Variants in ADGRL3 observed in about 807,000 individuals in gnomAD.
The protein encoded by ADGRL3 is adhesion G protein-coupled receptor L3, also known as calcium-independent alpha-latrotoxin receptor 3.
Under a neutral mutation model 153.5 loss-of-function variants are expected in ADGRL3, and 62 were observed. The ratio of observed to expected loss-of-function variants is 0.40; its 90% CI spans 0.33 to 0.50. The LOEUF is 0.50. Among genes scored for constraint, ADGRL3 ranks in the 20% least tolerant of loss-of-function variants. ADGRL3 has a pLI of 0.47. For missense variants in ADGRL3, 1,641 were observed against 1,859.4 expected, an observed-to-expected ratio of 0.88 and a Z score of 2.16; for synonymous variants, 710 against 672.5, an observed-to-expected ratio of 1.06 and a Z score of -0.86.
At chr4:62,051,702 T>C (rs548156486) in intron 25 of ADGRL3, among the ~76,000 whole-genome samples, 1 of 151,820 alleles carries the variant, frequency 6.6e-6, no homozygotes, top group African/African-American at 2.4e-5. Context: ...TTAAAAATTG[T>C]ATTTAATTTC....
chr4:61,220,440 C>G (rs1269462962), intron 1 of ADGRL3, among the ~76,000 whole-genome samples: 1 of 152,088 alleles, frequency 6.6e-6, no homozygotes, highest in East Asian at 1.9e-4. Flanking sequence ...TCCTAAGTAT[C>G]ATTTTATGCT....
intron 5 of ADGRL3, among the ~76,000 whole-genome samples, chr4:61,676,463 CT>C (rs532722309): frequency 1.5e-4 from 23 of 148,414 alleles, no homozygotes; most frequent in East Asian, 4.0e-4. Context: ...TTCTAAAATA[CT>C]TTTTTTTTTG....
intron 25 of ADGRL3, among the ~76,000 whole-genome samples, chr4:62,045,590 G>C (rs1730688392): frequency 6.6e-6 from 1 of 151,866 alleles, no homozygotes; most frequent in African/African-American, 2.4e-5. Flanking sequence ...TCAATTATTT[G>C]TACTCAAGTA....
At chr4:61,992,736 A>G (rs1016472877) in intron 19 of ADGRL3, among the ~76,000 whole-genome samples, 2 of 152,222 alleles carry the variant, frequency 1.3e-5, no homozygotes, top group African/African-American at 4.8e-5. Flanking sequence ...TCAAAGAATA[A>G]AAATAATCAT....
intron 6 of ADGRL3, among the ~76,000 whole-genome samples, chr4:61,679,030 G>A (rs768978217): frequency 1.4e-4 from 22 of 151,990 alleles, no homozygotes; most frequent in Non-Finnish European, 2.5e-4. Context: ...TTGCTATAAA[G>A]GAATACCTCA....
intron 2 of ADGRL3, among the ~76,000 whole-genome samples, chr4:61,460,287 G>A (rs1238610741): frequency 1.3e-5 from 2 of 151,952 alleles, no homozygotes; most frequent in Non-Finnish European, 2.9e-5. Flanking sequence ...TCTGCATAAG[G>A]ATATCCAGTT....
chr4:61,639,412 C>G (rs905042067), intron 5 of ADGRL3, among the ~76,000 whole-genome samples: 6 of 151,900 alleles, frequency 3.9e-5, no homozygotes, highest in East Asian at 3.9e-4. Flanking sequence ...TTGAAAAAAA[C>G]TATCTCCCAA....
intron 5 of ADGRL3, among the ~76,000 whole-genome samples, chr4:61,658,389 T>G (rs1480842053): frequency 1.3e-5 from 2 of 152,142 alleles, no homozygotes; most frequent in Non-Finnish European, 2.9e-5. Flanking sequence ...ATCAGCTATA[T>G]CAGTCCAGGC....
At chr4:61,215,840 C>T (rs1013178983) in intron 1 of ADGRL3, among the ~76,000 whole-genome samples, 4 of 152,046 alleles carry the variant, frequency 2.6e-5, no homozygotes, top group African/African-American at 9.7e-5. Context: ...GCATGAGCCA[C>T]CGCGCTCGGC....
At chr4:61,674,883 T>C (rs1385291733) in intron 5 of ADGRL3, among the ~76,000 whole-genome samples, 1 of 151,998 alleles carries the variant, frequency 6.6e-6, no homozygotes, top group African/African-American at 2.4e-5. Flanking sequence ...AACATCGAGA[T>C]AACATATTTG....
intron 5 of ADGRL3, among the ~76,000 whole-genome samples, chr4:61,592,365 G>C (rs940006567): frequency 5.9e-5 from 9 of 152,090 alleles, no homozygotes; most frequent in Non-Finnish European, 8.8e-5. Flanking sequence ...GATCCATTAT[G>C]TTGTCTCGTA....
At chr4:61,720,176 G>A (rs1483646039) in intron 6 of ADGRL3, among the ~76,000 whole-genome samples, 4 of 148,066 alleles carry the variant, frequency 2.7e-5, no homozygotes, top group African/African-American at 1.0e-4. Flanking sequence ...TGCAAGCTCC[G>A]CCTCCCAGGT....
At chr4:61,552,763 C>A (rs1189868932) in intron 4 of ADGRL3, among the ~76,000 whole-genome samples, 1 of 152,122 alleles carries the variant, frequency 6.6e-6, no homozygotes, top group Non-Finnish European at 1.5e-5. Context: ...ACCACCGTGT[C>A]CCATCAGCCT....
intron 8 of ADGRL3, among the ~76,000 whole-genome samples, chr4:61,799,901 C>T (rs1186864528): frequency 6.6e-6 from 1 of 152,086 alleles, no homozygotes; most frequent in East Asian, 1.9e-4. Flanking sequence ...CACCACAATC[C>T]TATGAAAAGG....
chr4:61,250,246 A>G (rs1170408414), intron 1 of ADGRL3, among the ~76,000 whole-genome samples: 1 of 152,194 alleles, frequency 6.6e-6, no homozygotes, highest in Non-Finnish European at 1.5e-5. Flanking sequence ...AATCTACCTG[A>G]GGAAGCAACA....
intron 2 of ADGRL3, among the ~76,000 whole-genome samples, chr4:61,418,000 G>A (rs936775002): frequency 6.6e-6 from 1 of 152,120 alleles, no homozygotes; most frequent in Admixed American, 6.5e-5. Flanking sequence ...TGGACAAGGG[G>A]AGGAGAGGCT....
intron 9 of ADGRL3, among the ~76,000 whole-genome samples, chr4:61,874,051 T>C (rs1351211382): frequency 6.6e-6 from 1 of 152,202 alleles, no homozygotes; most frequent in Non-Finnish European, 1.5e-5. Context: ...AGGCTTGTGT[T>C]ACTTACTAAT....
intron 1 of ADGRL3, among the ~76,000 whole-genome samples, chr4:61,284,550 A>G (rs1428837351): frequency 4.6e-5 from 7 of 151,930 alleles, no homozygotes; most frequent in Admixed American, 3.3e-4. Context: ...ACCACATATC[A>G]TTTGTGAGCT....
chr4:61,671,133 GA>G (rs1248873297), intron 5 of ADGRL3, among the ~76,000 whole-genome samples: 1 of 152,108 alleles, frequency 6.6e-6, no homozygotes, highest in African/African-American at 2.4e-5. Context: ...AAATTAGCAG[GA>G]AAAAATAGGC....
Sources: gnomAD v4.1 joint callset for allele counts (sites outside exome capture counted in the v4.1 genomes callset) on GRCh38, gnomAD v4.1.1 for gene constraint, MANE v1.5 for transcripts, NCBI Gene and HGNC (gene_info 2026-07-23, HGNC 2026-07-21) for gene names.